Variants in JPH3 observed in about 807,000 individuals in gnomAD.
JPH3 encodes junctophilin 3.
Under a neutral mutation model 59.6 loss-of-function variants are expected in JPH3, and 11 were observed. The ratio of observed to expected loss-of-function variants is 0.18; its 90% confidence interval spans 0.12 to 0.31. JPH3 has a LOEUF of 0.31. JPH3 is among the 10% of genes least tolerant of loss of function. The pLI is 1.00. For synonymous variants in JPH3, 673 were observed against 483.6 expected (o/e 1.39, Z -5.14); for missense variants, 1,202 against 1,105.7 (o/e 1.09, Z -1.24).
At chr16:87,689,526 T>C (rs987796561) in intron 3 of JPH3, 120 bp from the exon 4 acceptor site, 9 of 1,070,938 alleles carry the variant, frequency 8.4e-6, no homozygotes, top group Non-Finnish European at 1.2e-5. Flanking sequence ...AGCCTTTCGG[T>C]GAGTGGGAAG....
At chr16:87,662,425 A>ATTTT (rs34067871) in intron 2 of JPH3, among the ~76,000 whole-genome samples, 22 of 148,558 alleles carry the variant, frequency 1.5e-4, no homozygotes, top group African/African-American at 5.4e-4. Context: ...CTCGCGTCTG[A>ATTTT]TTTTTTTTTT....
chr16:87,647,508 C>T (rs2032191133), intron 2 of JPH3, among the ~76,000 whole-genome samples: 1 of 152,228 alleles, frequency 6.6e-6, no homozygotes. Context: ...AGCCCATGCT[C>T]CCTGGCAGGT....
At chr16:87,622,462 C>T (rs992181625) in intron 1 of JPH3, among the ~76,000 whole-genome samples, 1 of 151,118 alleles carries the variant, frequency 6.6e-6, no homozygotes, top group African/African-American at 2.4e-5. Context: ...GTGCTGTGGC[C>T]CTTGGCTGCA....
At chr16:87,604,551 T>G (rs1055889110) in intron 1 of JPH3, 3 of 1,254,276 alleles carry the variant, frequency 2.4e-6, no homozygotes, top group East Asian at 4.9e-5. Flanking sequence ...CTCGCCTGTT[T>G]CAGGCATGGA....
intron 2 of JPH3, among the ~76,000 whole-genome samples, chr16:87,647,985 G>A (rs1017564549): frequency 1.3e-5 from 2 of 152,226 alleles, no homozygotes; most frequent in Non-Finnish European, 2.9e-5. Flanking sequence ...CTGCTGAAGG[G>A]GGGCGGGGCT....
chr16:87,643,908 G>C (rs2032040836), intron 1 of JPH3, among the ~76,000 whole-genome samples: 1 of 152,182 alleles, frequency 6.6e-6, no homozygotes, highest in Non-Finnish European at 1.5e-5. Context: ...TGGAGGCTGA[G>C]GCAGGATCAC....
At chr16:87,687,775 C>G (rs965870377) in intron 3 of JPH3, among the ~76,000 whole-genome samples, 2 of 152,136 alleles carry the variant, frequency 1.3e-5, no homozygotes, top group African/African-American at 4.8e-5. Flanking sequence ...AGCGTGGGGT[C>G]TCCTGGGCCA....
chr16:87,666,588 G>A (rs1345309487), intron 2 of JPH3, among the ~76,000 whole-genome samples: 1 of 151,988 alleles, frequency 6.6e-6, no homozygotes, highest in African/African-American at 2.4e-5. Flanking sequence ...GTAGAGATAG[G>A]GGTCTCCCTA....
chr16:87,653,295 T>A (rs1339020412), intron 2 of JPH3, among the ~76,000 whole-genome samples: 1 of 152,214 alleles, frequency 6.6e-6, no homozygotes, highest in South Asian at 2.1e-4. Context: ...TGCCCCAAGC[T>A]GGGGTCTGTG....
rs1339961121 is a variant in JPH3 at position 87,603,395 on chromosome 16, C to T, written c.249C>T (p.Tyr83=). 3 of 1,600,528 alleles carry T rather than the reference C, an allele frequency of 1.9e-6. No individual in the cohort carries two copies. The highest frequency in any genetic ancestry group is 1.1e-5 in the South Asian group (1 of 89,742). The change falls in exon 1 of 5, where the codon TAC becomes TAT. Residue 83 remains tyrosine, a synonymous_variant. Transcript: ENST00000284262. ...TGGAGAGCAAGGGGAAGTGGGTGTA[C>T]AAGGGCGAGTGGACGCACGGATTCA... ...IGLESKGKWV[Y]KGEWTHGFKG...
intron 3 of JPH3, among the ~76,000 whole-genome samples, chr16:87,687,881 G>A (rs1165831439): frequency 6.6e-6 from 1 of 152,176 alleles, no homozygotes; most frequent in Non-Finnish European, 1.5e-5. Context: ...CAGCCTGCTA[G>A]GTCCATAGCG....
chr16:87,655,447 G>C (rs1015232017), intron 2 of JPH3, among the ~76,000 whole-genome samples: 2 of 152,140 alleles, frequency 1.3e-5, no homozygotes, highest in Non-Finnish European at 2.9e-5. Flanking sequence ...TCGATCTCCT[G>C]AGCTCAAACG....
chr16:87,642,332 G>C (rs2031982604), intron 1 of JPH3, among the ~76,000 whole-genome samples: 1 of 152,152 alleles, frequency 6.6e-6, no homozygotes, highest in South Asian at 2.1e-4. Context: ...CGTTTAAAAA[G>C]TGACTGGCAG....
At chr16:87,681,481 G>A (rs1421140443) in intron 2 of JPH3, among the ~76,000 whole-genome samples, 1 of 128,040 alleles carries the variant, frequency 7.8e-6, no homozygotes, top group South Asian at 2.7e-4. Flanking sequence ...TGACAGTGCC[G>A]GGAGGTCAGG....
intron 1 of JPH3, among the ~76,000 whole-genome samples, chr16:87,627,934 A>G (rs1326028626): frequency 6.6e-6 from 1 of 152,214 alleles, no homozygotes; most frequent in East Asian, 1.9e-4. Flanking sequence ...CTGCCAGGCC[A>G]GCCTGTGGGC....
At chr16:87,696,183 C>G (rs767119680) in intron 4 of JPH3, 12 of 453,928 alleles carry the variant, frequency 2.6e-5, no homozygotes, top group South Asian at 1.8e-4. Context: ...TTCTGAGATT[C>G]TGAGGTCCCA....
At chr16:87,634,069 G>A (rs1017316150) in intron 1 of JPH3, among the ~76,000 whole-genome samples, 4 of 152,202 alleles carry the variant, frequency 2.6e-5, no homozygotes, top group African/African-American at 7.2e-5. Flanking sequence ...ATGGGGCTCC[G>A]TGCAGCCGGG....
rs146248317 is a variant in JPH3 at position 87,634,130 on chromosome 16, C to T, written c.383-10128C>T. Among the ~76,000 whole-genome samples, 1,072 of 152,278 alleles carry T rather than the reference C, an allele frequency of 7.0e-3. 12 individuals carry two copies. Among genetic ancestry groups the T allele is most frequent in the African/African-American group, 0.025 (1,037 of 41,556 alleles). ...AGGGACAGGCACGGGGCATGGGGGCCACCCGTGGAGAAAGCCCTGGAGCTT... is the reference window on the plus strand; with the variant it reads ...AGGGACAGGCACGGGGCATGGGGGCTACCCGTGGAGAAAGCCCTGGAGCTT... On this transcript the variant is annotated intron_variant, in intron 1 of 4. Transcript: ENST00000284262.
chr16:87,636,645 G>A (rs536358368), intron 1 of JPH3, among the ~76,000 whole-genome samples: 1 of 152,180 alleles, frequency 6.6e-6, no homozygotes, highest in South Asian at 2.1e-4. Context: ...GTGTGCTTTC[G>A]TGTAGCCAAA....
Sources: gnomAD v4.1 joint callset for allele counts (sites outside exome capture counted in the v4.1 genomes callset) on GRCh38, gnomAD v4.1.1 for gene constraint, MANE v1.5 for transcripts, NCBI Gene and HGNC (gene_info 2026-07-23, HGNC 2026-07-21) for gene names.